Variants in COL5A2 observed in about 807,000 individuals in gnomAD.
COL5A2 encodes collagen alpha-2(V) chain.
In COL5A2, 23 loss-of-function variants were observed where a neutral mutation model predicts 208.2. The ratio of observed to expected loss-of-function variants is 0.11; its 90% CI spans 0.08 to 0.16. COL5A2 has a LOEUF of 0.16. Ranked by LOEUF, COL5A2 falls within the 10% of genes least tolerant of loss-of-function variation. COL5A2 has a pLI of 1.00. For synonymous variants in COL5A2, 625 were observed against 628.5 expected, an observed-to-expected ratio of 0.99 and a Z score of 0.08; for missense variants, 1,590 against 1,956.4, an observed-to-expected ratio of 0.81 and a Z score of 3.53.
chr2:189,115,255 T>C (rs1302505253), intron 1 of COL5A2, among the ~76,000 whole-genome samples: 6 of 152,200 alleles, frequency 3.9e-5, no homozygotes, highest in Non-Finnish European at 1.5e-5. Context: ...CTTTTAAATT[T>C]AGTTGTAAGA....
rs114329902 is a variant in COL5A2 at position 189,077,419 on chromosome 2, C to T, written c.1059+1097G>A. Among the ~76,000 whole-genome samples the T allele has an allele frequency of 7.2e-3, 1,091 of 152,244 alleles. 11 individuals are homozygous for T. Among genetic ancestry groups the T allele is most frequent in the African/African-American group, 0.025 (1,023 of 41,534 alleles). On this transcript the variant is annotated intron_variant, in intron 16 of 53. Coordinates refer to ENST00000374866, the MANE Select transcript of COL5A2 (RefSeq NM_000393.5). ...TTTTAATGATGTGGATACACTGTCT[C>T]GTGATATTGCAATTTAATACCCTGG... is the stretch of plus-strand genomic sequence containing the variant.
intron 51 of COL5A2, 126 bp downstream of exon 51, chr2:189,039,146 A>C: frequency 8.4e-7 from 1 of 1,190,982 alleles, no homozygotes; most frequent in Non-Finnish European, 1.2e-6. Context: ...AAGCTCCATG[A>C]TATGTTTACT....
chr2:189,427,271 T>C, the COL5A2 span, among the ~76,000 whole-genome samples: 2 of 152,240 alleles, frequency 1.3e-5, no homozygotes, highest in Non-Finnish European at 2.9e-5. Context: ...GAGCGCAAGC[T>C]GTAAACCTTG....
At chr2:189,254,030 TA>T in the COL5A2 span, among the ~76,000 whole-genome samples, 1 of 152,256 alleles carries the variant, frequency 6.6e-6, no homozygotes, top group Non-Finnish European at 1.5e-5. Context: ...CCTATTGACC[TA>T]AACTGATTCT....
the COL5A2 span, among the ~76,000 whole-genome samples, chr2:189,337,485 A>G: frequency 6.6e-6 from 1 of 152,180 alleles, no homozygotes; most frequent in African/African-American, 2.4e-5. Context: ...CCCGGCCGAC[A>G]TCATTTTTTA....
chr2:189,341,252 T>C, the COL5A2 span, among the ~76,000 whole-genome samples: 1 of 152,142 alleles, frequency 6.6e-6, no homozygotes, highest in Non-Finnish European at 1.5e-5. Context: ...GTCACTAACA[T>C]GACTCTAACA....
At chr2:189,154,553 C>A (rs1317036886) in intron 1 of COL5A2, among the ~76,000 whole-genome samples, 2 of 152,222 alleles carry the variant, frequency 1.3e-5, no homozygotes, top group Admixed American at 1.3e-4. Flanking sequence ...TTCCCTCACC[C>A]TCCCTAGCAT....
the COL5A2 span, among the ~76,000 whole-genome samples, chr2:189,422,627 G>A: frequency 1.3e-5 from 2 of 152,122 alleles, no homozygotes; most frequent in Non-Finnish European, 2.9e-5. Flanking sequence ...TCATGTGTTA[G>A]GCTACAAAAC....
chr2:189,322,545 A>T, the COL5A2 span, among the ~76,000 whole-genome samples: 1 of 152,196 alleles, frequency 6.6e-6, no homozygotes, highest in African/African-American at 2.4e-5. Context: ...AATACTATAA[A>T]CACCTCTACG....
chr2:189,332,343 T>G, the COL5A2 span, among the ~76,000 whole-genome samples: 1 of 152,144 alleles, frequency 6.6e-6, no homozygotes, highest in Non-Finnish European at 1.5e-5. Context: ...ATACACATTA[T>G]TTTCAGGAAT....
chr2:189,264,823 T>A, the COL5A2 span, among the ~76,000 whole-genome samples: 2 of 152,172 alleles, frequency 1.3e-5, no homozygotes, highest in African/African-American at 4.8e-5. Flanking sequence ...AATAACCTAT[T>A]CAGAGTACTG....
the COL5A2 span, among the ~76,000 whole-genome samples, chr2:189,411,328 A>T: frequency 1.3e-5 from 2 of 152,190 alleles, no homozygotes; most frequent in African/African-American, 4.8e-5. Context: ...GTTACAACGA[A>T]TGTTCCTTAA....
At chr2:189,157,941 A>C (rs1461058715) in intron 1 of COL5A2, among the ~76,000 whole-genome samples, 1 of 151,936 alleles carries the variant, frequency 6.6e-6, no homozygotes, top group African/African-American at 2.4e-5. Context: ...CATTCTACAC[A>C]TCTGTGTTTT....
At chr2:189,302,378 C>T in the COL5A2 span, among the ~76,000 whole-genome samples, 1 of 152,082 alleles carries the variant, frequency 6.6e-6, no homozygotes, top group Admixed American at 6.6e-5. Context: ...AAGCCAGCTC[C>T]GTACTCTACA....
chr2:189,137,176 G>A (rs867987690), intron 1 of COL5A2, among the ~76,000 whole-genome samples: 5 of 152,154 alleles, frequency 3.3e-5, no homozygotes, highest in Admixed American at 2.0e-4. Context: ...ATTAAATATA[G>A]CAATAGAATG....
chr2:189,063,116 C>G, intron 27 of COL5A2, 53 bp from the exon 28 acceptor site: 1 of 1,610,658 alleles, frequency 6.2e-7, no homozygotes, highest in South Asian at 1.1e-5. Context: ...CAAAAACATA[C>G]CTCCTCCAAA....
chr2:189,051,054 A>G (rs1053071877), intron 42 of COL5A2, among the ~76,000 whole-genome samples: 1 of 152,104 alleles, frequency 6.6e-6, no homozygotes, highest in Non-Finnish European at 1.5e-5. Flanking sequence ...TAATATACAT[A>G]TATTTTTAAA....
chr2:189,313,845 G>T, the COL5A2 span, among the ~76,000 whole-genome samples: 1 of 152,154 alleles, frequency 6.6e-6, no homozygotes, highest in South Asian at 2.1e-4. Flanking sequence ...ACAAGATGAA[G>T]AAGGGCATTA....
At chr2:189,342,083 A>G in the COL5A2 span, among the ~76,000 whole-genome samples, 1 of 151,898 alleles carries the variant, frequency 6.6e-6, no homozygotes, top group Non-Finnish European at 1.5e-5. Context: ...TCTGTTTAGA[A>G]TTTATAAAAA....
Sources: gnomAD v4.1 joint callset for allele counts (sites outside exome capture counted in the v4.1 genomes callset) on GRCh38, gnomAD v4.1.1 for gene constraint, MANE v1.5 for transcripts, NCBI Gene and HGNC (gene_info 2026-07-23, HGNC 2026-07-21) for gene names.